PTPRM: variants seen among roughly 807,000 people sequenced by gnomAD.
The protein encoded by PTPRM is protein tyrosine phosphatase receptor type M.
A neutral mutation model predicts 186.7 loss-of-function variants in PTPRM; 47 were observed. The observed-to-expected ratio is 0.25, with a 90% CI of 0.20 to 0.32. The LOEUF is 0.32. Among genes scored for constraint, PTPRM ranks in the 10% least tolerant of loss-of-function variants. The pLI, the probability that PTPRM is intolerant of heterozygous loss-of-function variation, is 1.00. For synonymous variants in PTPRM, 668 were observed against 674.9 expected, an observed-to-expected ratio of 0.99 and a Z score of 0.16; for missense variants, 1,494 against 1,865.0, an observed-to-expected ratio of 0.80 and a Z score of 3.66.
At chr18:8,289,716 T>A (rs1211556515) in intron 19 of PTPRM, among the ~76,000 whole-genome samples, 1 of 151,326 alleles carries the variant, frequency 6.6e-6, no homozygotes, top group African/African-American at 2.4e-5. Context: ...AATTGTACGA[T>A]AACAATTGCC....
chr18:7,980,129 A>G (rs117575894), intron 7 of PTPRM, among the ~76,000 whole-genome samples: 1,827 of 152,162 alleles, frequency 0.012, 17 homozygotes, highest in Non-Finnish European at 0.016. Flanking sequence ...AGTGTCTCTT[A>G]CCTGAATCAG....
chr18:8,224,866 T>C (rs9958585), intron 14 of PTPRM, among the ~76,000 whole-genome samples: 30,198 of 152,134 alleles, frequency 0.2, 3,366 homozygotes, highest in African/African-American at 0.3. Flanking sequence ...AGAGGATTAA[T>C]TGATTCAACT....
Position 8,378,359 on chromosome 18 carries a change from A to T in PTPRM, c.3557A>T (p.Asp1186Val). The T allele has an allele frequency of 1.2e-6, 2 of 1,614,066 alleles. No homozygotes were observed. The highest frequency in any genetic ancestry group is 1.7e-6 in the Non-Finnish European group (2 of 1,179,912). The change falls in exon 27 of 33, where the codon GAC becomes GTC. Residue 1186 changes from aspartate to valine, a missense_variant. Around this residue, in one of 3 missense-constraint regions of PTPRM, gnomAD observed 1,107 missense variants for 1,350.2 expected, o/e 0.82. Transcript: ENST00000580170. ...TCCCAAGTTAGGTCTCTGTATTATG[A>T]CATGAACAAACTGGATCCACAGACA... ...PASQVRSLYYDMNKLDPQTNS... is the reference protein window; with the variant it reads ...PASQVRSLYYVMNKLDPQTNS...
intron 3 of PTPRM, among the ~76,000 whole-genome samples, chr18:7,904,505 G>A (rs1278562063): frequency 1.3e-5 from 2 of 152,068 alleles, no homozygotes; most frequent in Non-Finnish European, 1.5e-5. Context: ...TTACATAAAT[G>A]GAATCATAGA....
intron 15 of PTPRM, among the ~76,000 whole-genome samples, chr18:8,247,251 A>G (rs7232952): frequency 0.61 from 92,810 of 152,014 alleles, 29,013 homozygotes; most frequent in Middle Eastern, 0.74. Flanking sequence ...TTGATAAAAG[A>G]GAGGAAGAGA....
At chr18:7,899,088 A>G (rs540114257) in intron 3 of PTPRM, among the ~76,000 whole-genome samples, 46 of 152,314 alleles carry the variant, frequency 3.0e-4, no homozygotes, top group Admixed American at 1.7e-3. Flanking sequence ...TTTTTCCTTA[A>G]GGCTCATCTT....
Position 8,296,396 on chromosome 18 carries a change from G to A in PTPRM, c.2783G>A (p.Trp928Ter). The A allele has an allele frequency of 6.2e-7, 1 of 1,611,192 alleles. No homozygotes were observed. Among genetic ancestry groups the A allele is most frequent in the Non-Finnish European group, 8.5e-7 (1 of 1,177,428 alleles). Residue 928 changes from tryptophan to a stop codon, truncating the protein, a stop_gained, in exon 20 of 33, where the codon TGG becomes TAG. Transcript: ENST00000580170. LOFTEE classifies it high-confidence loss of function. The stretch of plus-strand genomic sequence containing the variant: ...TTCTTTGAAGGGCAGTCTGCACCAT[G>A]GGACTCGGCTAAGAAAGATGAGAAC... ...ESFFEGQSAP[W>*]DSAKKDENRM... is the part of the protein sequence containing the mutation.
chr18:8,141,259 C>CCAA (rs2092759921), intron 13 of PTPRM, among the ~76,000 whole-genome samples: 1 of 152,126 alleles, frequency 6.6e-6, no homozygotes, highest in Admixed American at 6.5e-5. Flanking sequence ...ACCCAAACAC[C>CCAA]CGACTCAACC....
chr18:8,355,701 T>G (rs2095559804), intron 23 of PTPRM, among the ~76,000 whole-genome samples: 1 of 152,234 alleles, frequency 6.6e-6, no homozygotes, highest in South Asian at 2.1e-4. Context: ...ATGGCCTATC[T>G]GAGTTCTTTG....
At chr18:7,678,724 G>A (rs1192516797) in intron 1 of PTPRM, among the ~76,000 whole-genome samples, 1 of 152,092 alleles carries the variant, frequency 6.6e-6, no homozygotes, top group African/African-American at 2.4e-5. Context: ...ATCTTTGCTG[G>A]TCTGTACCTA....
At chr18:7,709,152 A>G (rs1183796348) in intron 1 of PTPRM, among the ~76,000 whole-genome samples, 2 of 152,174 alleles carry the variant, frequency 1.3e-5, no homozygotes, top group Non-Finnish European at 2.9e-5. Context: ...GATAGGCCAT[A>G]TGATAGACCA....
At chr18:8,027,947 C>T (rs577645488) in intron 7 of PTPRM, among the ~76,000 whole-genome samples, 1 of 152,130 alleles carries the variant, frequency 6.6e-6, no homozygotes, top group Non-Finnish European at 1.5e-5. Context: ...ACTGTTATCT[C>T]CTATCACTGT....
At chr18:8,331,261 G>A (rs568801249) in intron 22 of PTPRM, among the ~76,000 whole-genome samples, 1 of 152,126 alleles carries the variant, frequency 6.6e-6, no homozygotes, top group Admixed American at 6.6e-5. Context: ...AAATGCTTTG[G>A]AACATTTCAA....
chr18:7,774,070 A>G (rs1352621269), intron 1 of PTPRM, 79 bp from the exon 2 acceptor site: 4 of 1,439,242 alleles, frequency 2.8e-6, no homozygotes, highest in Admixed American at 3.8e-5. Flanking sequence ...CATCAAGTCT[A>G]AGGCTTCCTG....
intron 13 of PTPRM, 102 bp from the exon 14 acceptor site, chr18:8,143,545 A>T: frequency 8.2e-7 from 1 of 1,225,254 alleles, no homozygotes; most frequent in Non-Finnish European, 1.2e-6. Flanking sequence ...TGGCTCTGAT[A>T]AGTCTTATTA....
intron 7 of PTPRM, among the ~76,000 whole-genome samples, chr18:7,978,296 C>G (rs1481192605): frequency 3.9e-5 from 6 of 152,122 alleles, no homozygotes; most frequent in Non-Finnish European, 8.8e-5. Context: ...CAGGGTTATT[C>G]AACACCGAGA....
chr18:7,645,124 A>G (rs1205215074), intron 1 of PTPRM, among the ~76,000 whole-genome samples: 1 of 152,218 alleles, frequency 6.6e-6, no homozygotes, highest in Non-Finnish European at 1.5e-5. Flanking sequence ...AAAACTCTAC[A>G]AAATTTGTAT....
intron 4 of PTPRM, among the ~76,000 whole-genome samples, chr18:7,916,107 G>A (rs943839972): frequency 2.0e-5 from 3 of 151,796 alleles, no homozygotes; most frequent in African/African-American, 7.2e-5. Flanking sequence ...AAGGTGGGAC[G>A]GGGAAAGAGG....
chr18:7,761,465 T>C (rs1212073018), intron 1 of PTPRM, among the ~76,000 whole-genome samples: 2 of 152,182 alleles, frequency 1.3e-5, no homozygotes, highest in Non-Finnish European at 1.5e-5. Flanking sequence ...GTGCTTTTTG[T>C]TGACTTATGC....
Sources: gnomAD v4.1 joint callset for allele counts (sites outside exome capture counted in the v4.1 genomes callset) on GRCh38, gnomAD v4.1.1 for gene constraint, gnomAD v4.1.1 regional missense constraint, MANE v1.5 for transcripts, NCBI Gene and HGNC (gene_info 2026-07-23, HGNC 2026-07-21) for gene names.